DCDC1: variants seen among roughly 807,000 people sequenced by gnomAD.
The protein encoded by DCDC1 is doublecortin domain-containing protein 1.
DCDC1 carries 200 observed loss-of-function variants against 178.3 expected under a neutral mutation model. The ratio of observed to expected loss-of-function variants is 1.12; its 90% confidence interval spans 1.00 to 1.26. DCDC1 has a LOEUF of 1.26. DCDC1 is among the 50% of genes most tolerant of loss of function. DCDC1 has a pLI of 0.00. For synonymous variants in DCDC1, 690 were observed against 604.8 expected, an observed-to-expected ratio of 1.14 and a Z score of -2.07; for missense variants, 1,983 against 1,749.2, an observed-to-expected ratio of 1.13 and a Z score of -2.38.
chr11:31,226,988 A>C (rs1166811039), intron 9 of DCDC1, among the ~76,000 whole-genome samples: 1 of 152,144 alleles, frequency 6.6e-6, no homozygotes, highest in African/African-American at 2.4e-5. Context: ...ATAAAAACAT[A>C]TGTTTCTTAC....
At chr11:30,952,399 C>A in intron 21 of DCDC1, 46 bp downstream of exon 21, 1 of 1,481,674 alleles carries the variant, frequency 6.7e-7, no homozygotes, top group East Asian at 2.3e-5. Context: ...ACAACTGGGC[C>A]TTAAAGTAAG....
chr11:31,356,350 G>A lies in DCDC1; in HGVS notation c.-125+13347C>T, dbSNP rs200998258. ...CCTGAATGACTACTGGGTACATAAC[G>A]AAATGAAGGCAGAAATAAAGATGTT... On this transcript the variant is annotated intron_variant, in intron 1 of 38. Coordinates refer to ENST00000684477, the MANE Select transcript of DCDC1 (RefSeq NM_001387274.1). 2.5e-4 allele frequency among the ~76,000 whole-genome samples: 38 copies of A among 152,182 alleles called. No homozygotes were observed. The East Asian group carries it at 3.7e-3, about 15-fold the overall frequency.
chr11:31,269,665 C>T (rs184095190), intron 7 of DCDC1, among the ~76,000 whole-genome samples: 1 of 152,268 alleles, frequency 6.6e-6, no homozygotes, highest in East Asian at 1.9e-4. Flanking sequence ...GGATTACAGA[C>T]ATGAACCACT....
At chr11:31,308,607 G>A (rs1415552843) in intron 3 of DCDC1, among the ~76,000 whole-genome samples, 1 of 152,126 alleles carries the variant, frequency 6.6e-6, no homozygotes, top group African/African-American at 2.4e-5. Context: ...AACTGGGTCA[G>A]TTGGTCACCC....
chr11:31,012,264 T>C (rs2135126875), intron 20 of DCDC1, among the ~76,000 whole-genome samples: 1 of 152,278 alleles, frequency 6.6e-6, no homozygotes. Context: ...TACATTATTA[T>C]AGACAAATCT....
At chr11:31,278,685 A>G (rs1946172365) in intron 7 of DCDC1, among the ~76,000 whole-genome samples, 1 of 152,202 alleles carries the variant, frequency 6.6e-6, no homozygotes, top group Non-Finnish European at 1.5e-5. Context: ...TGACAAAAAA[A>G]TGATAAGTAT....
rs761567208 is a variant in DCDC1, at chr11:30,911,380, CT to C, written c.3693del (p.Val1232CysfsTer3). Reference sequence around the variant, plus strand: ...TCATTTCTAGTCTTGGTCATAGACACTGCCAGCACAAGGTCAGGGTTACTCA... The same window carrying C: ...TCATTTCTAGTCTTGGTCATAGACACGCCAGCACAAGGTCAGGGTTACTCA... ...HLVSNPDLVL[A>X]VSMTKTRNEV... On this transcript the variant is annotated frameshift_variant, in exon 28 of 39. Transcript: ENST00000684477. LOFTEE classifies it high-confidence loss of function. 20 of 1,605,478 alleles carry C rather than the reference CT, an allele frequency of 1.2e-5. No homozygotes were observed. The highest frequency in any genetic ancestry group is 3.4e-5 in the Admixed American group (2 of 59,022).
intron 20 of DCDC1, among the ~76,000 whole-genome samples, chr11:30,977,816 C>T (rs1950182803): frequency 6.6e-6 from 1 of 152,102 alleles, no homozygotes. Context: ...GTATTCCCAG[C>T]TACTCGTGGG....
chr11:31,212,280 C>T (rs879588424), intron 9 of DCDC1, among the ~76,000 whole-genome samples: 7 of 151,196 alleles, frequency 4.6e-5, no homozygotes, highest in East Asian at 1.9e-4. Flanking sequence ...CCTTACAATG[C>T]GAAAATTTTG....
At chr11:30,872,864 G>T (rs1228337630) in intron 38 of DCDC1, among the ~76,000 whole-genome samples, 1 of 151,852 alleles carries the variant, frequency 6.6e-6, no homozygotes, top group Non-Finnish European at 1.5e-5. Flanking sequence ...TTTTATTTGG[G>T]TATTTAACTT....
At chr11:31,163,955 C>CTTTTTTAGAT (rs1966543965) in intron 9 of DCDC1, among the ~76,000 whole-genome samples, 1 of 152,090 alleles carries the variant, frequency 6.6e-6, no homozygotes, top group South Asian at 2.1e-4. Flanking sequence ...TTTTCTTAGA[C>CTTTTTTAGAT]AGTCCTATTT....
At chr11:31,184,909 G>C (rs1038620191) in intron 9 of DCDC1, among the ~76,000 whole-genome samples, 14 of 152,196 alleles carry the variant, frequency 9.2e-5, no homozygotes, top group African/African-American at 3.1e-4. Flanking sequence ...CCATTACTGG[G>C]TATATACCCA....
intron 20 of DCDC1, among the ~76,000 whole-genome samples, chr11:30,975,822 A>C (rs1209979978): frequency 1.3e-5 from 2 of 152,064 alleles, no homozygotes; most frequent in African/African-American, 4.8e-5. Flanking sequence ...ATCCCTATCA[A>C]AGTGCCAATG....
intron 12 of DCDC1, among the ~76,000 whole-genome samples, chr11:31,108,625 G>C (rs1959004510): frequency 6.6e-6 from 1 of 152,206 alleles, no homozygotes; most frequent in African/African-American, 2.4e-5. Flanking sequence ...ATGCGAGGTA[G>C]ACATGTGATG....
At chr11:31,106,079 A>G (rs546890135) in intron 13 of DCDC1, among the ~76,000 whole-genome samples, 4 of 152,354 alleles carry the variant, frequency 2.6e-5, no homozygotes, top group African/African-American at 7.2e-5. Context: ...AGCCCAGCTC[A>G]TCAGTGCCTA....
At chr11:31,342,262 G>A (rs147931701) in intron 1 of DCDC1, among the ~76,000 whole-genome samples, 2 of 152,262 alleles carry the variant, frequency 1.3e-5, no homozygotes, top group East Asian at 1.9e-4. Context: ...TAACTTACAC[G>A]CACAAACATT....
At chr11:31,357,891 G>C (rs1013942302) in intron 1 of DCDC1, among the ~76,000 whole-genome samples, 1 of 152,138 alleles carries the variant, frequency 6.6e-6, no homozygotes, top group East Asian at 1.9e-4. Context: ...GGGATGTGAA[G>C]GACCTCTTCA....
At chr11:31,359,422 T>A in intron 1 of DCDC1, among the ~76,000 whole-genome samples, 1 of 117,524 alleles carries the variant, frequency 8.5e-6, no homozygotes, top group African/African-American at 3.4e-5. Context: ...CATCACCCTC[T>A]GGGGACTGTT....
At chr11:31,142,241 G>A (rs1963908411) in intron 9 of DCDC1, among the ~76,000 whole-genome samples, 1 of 152,112 alleles carries the variant, frequency 6.6e-6, no homozygotes, top group Non-Finnish European at 1.5e-5. Context: ...AAAAATATTT[G>A]GTAAAAGAAT....
Sources: gnomAD v4.1 joint callset for allele counts (sites outside exome capture counted in the v4.1 genomes callset) on GRCh38, gnomAD v4.1.1 for gene constraint, MANE v1.5 for transcripts, NCBI Gene and HGNC (gene_info 2026-07-23, HGNC 2026-07-21) for gene names.